Variants in KIF18A observed in about 807,000 individuals in gnomAD.
KIF18A encodes the protein kinesin family member 18A.
KIF18A carries 67 observed loss-of-function variants against 103.3 expected under a neutral mutation model. The ratio of observed to expected loss-of-function variants is 0.65; its 90% confidence interval spans 0.53 to 0.79. The LOEUF (loss-of-function observed/expected upper bound fraction) is 0.79, where lower values mean the gene tolerates loss of function less well. Among genes scored for constraint, KIF18A ranks in the 30% least tolerant of loss-of-function variants. The pLI, the probability that KIF18A is intolerant of heterozygous loss-of-function variation, is 0.00. For missense variants in KIF18A, 1,032 were observed against 1,062.5 expected, an observed-to-expected ratio of 0.97 and a Z score of 0.40; for synonymous variants, 367 against 355.5, an observed-to-expected ratio of 1.03 and a Z score of -0.36.
chr11:28,045,818 C>T (rs1450378918), intron 13 of KIF18A, among the ~76,000 whole-genome samples: 2 of 151,834 alleles, frequency 1.3e-5, no homozygotes, highest in Non-Finnish European at 2.9e-5. Flanking sequence ...GGCTAATATC[C>T]AGAATCTACA....
chr11:28,065,250 G>A (rs1444122152), intron 11 of KIF18A, among the ~76,000 whole-genome samples: 2 of 151,960 alleles, frequency 1.3e-5, no homozygotes, highest in Non-Finnish European at 2.9e-5. Flanking sequence ...TCCCTTTATC[G>A]TAAAGTTATG....
intron 14 of KIF18A, among the ~76,000 whole-genome samples, chr11:28,035,893 G>T (rs1298710543): frequency 1.3e-5 from 2 of 151,442 alleles, no homozygotes; most frequent in African/African-American, 4.8e-5. Context: ...TTCCTTCAGT[G>T]AAAATATTAA....
rs1850275775 is a variant in KIF18A, at chr11:28,023,791, C to T, written c.2564G>A (p.Arg855Gln). The change falls in exon 16 of 17, where the codon CGA becomes CAA. Residue 855 changes from arginine (R) to glutamine (Q), a missense_variant. Physicochemically the swap from Arg to Gln is conservative, Grantham distance 43. Coordinates refer to ENST00000263181, the MANE Select transcript of KIF18A (RefSeq NM_031217.4). ...GTGCTTCTCACTTGAATTATCTTGTCGAACACGTTTGGCAAATCCAGAATT... is the reference window on the plus strand; with the variant it reads ...GTGCTTCTCACTTGAATTATCTTGTTGAACACGTTTGGCAAATCCAGAATT... ...DVNSGFAKRV[R>Q]QDNSSEKHLQ... is the part of the protein sequence containing the mutation. 8 of 1,612,978 alleles carry T rather than the reference C, an allele frequency of 5.0e-6. No homozygotes were observed. The highest frequency in any genetic ancestry group is 6.8e-6 in the Non-Finnish European group (8 of 1,179,260).
chr11:28,050,322 C>G (rs1219891723), intron 13 of KIF18A, among the ~76,000 whole-genome samples: 2 of 151,764 alleles, frequency 1.3e-5, no homozygotes, highest in Non-Finnish European at 3.0e-5. Context: ...TTTAGGGATA[C>G]AAGCATGATT....
At chr11:28,099,361 T>C (rs1307558850) in intron 1 of KIF18A, among the ~76,000 whole-genome samples, 1 of 152,016 alleles carries the variant, frequency 6.6e-6, no homozygotes, top group Admixed American at 6.6e-5. Context: ...GAAATGTTGG[T>C]CAAAGGGTAC....
intron 13 of KIF18A, among the ~76,000 whole-genome samples, chr11:28,041,859 T>A (rs1312007736): frequency 6.6e-6 from 1 of 151,858 alleles, no homozygotes; most frequent in East Asian, 1.9e-4. Context: ...TAATTCTACA[T>A]AAGTAAATTA....
chr11:28,083,606 T>C (rs1851192424), intron 7 of KIF18A, among the ~76,000 whole-genome samples: 1 of 152,128 alleles, frequency 6.6e-6, no homozygotes. Context: ...ATTTTTATCA[T>C]AGTATGGGCC....
At position 28,062,415 on chromosome 11, in the gene KIF18A, C is replaced by G. The variant is rs773145540; in HGVS notation, c.1692G>C (p.Gln564His). The G allele has an allele frequency of 6.2e-7, 1 of 1,610,684 alleles. No homozygotes were observed. The highest frequency in any genetic ancestry group is 2.2e-5 in the East Asian group (1 of 44,714). The change falls in exon 12 of 17, where the codon CAG becomes CAC. Residue 564 changes from glutamine to histidine, a missense_variant. Coordinates refer to ENST00000263181, the MANE Select transcript of KIF18A (RefSeq NM_031217.4). ...HMMDLACLQE[Q>H]QHRQTEAVLN... Reference sequence around the variant, plus strand: ...CTCACGCTTCAGTCTGCCTGTGTTGCTGTTCCTGAAGACAAGCTAGATCCA... The same window carrying G: ...CTCACGCTTCAGTCTGCCTGTGTTGGTGTTCCTGAAGACAAGCTAGATCCA...
chr11:28,064,153 T>G (rs575309495), intron 11 of KIF18A, among the ~76,000 whole-genome samples: 1 of 151,516 alleles, frequency 6.6e-6, no homozygotes, highest in South Asian at 2.1e-4. Flanking sequence ...TATTTATATA[T>G]TAAAGTTAGG....
intron 13 of KIF18A, among the ~76,000 whole-genome samples, chr11:28,040,624 G>A (rs1850547111): frequency 6.6e-6 from 1 of 151,644 alleles, no homozygotes; most frequent in Admixed American, 6.6e-5. Flanking sequence ...GAAGGGAACA[G>A]GAAATTAAAA....
chr11:28,061,315 T>A (rs1850853659), intron 12 of KIF18A, among the ~76,000 whole-genome samples: 1 of 152,160 alleles, frequency 6.6e-6, no homozygotes, highest in African/African-American at 2.4e-5. Flanking sequence ...TAAGCTAGAA[T>A]TCAAGATTGA....
At position 28,077,074 on chromosome 11, in the gene KIF18A, T is replaced by C. The variant is rs765294045; in HGVS notation, c.1358A>G (p.Lys453Arg). 5 of 1,579,934 alleles carry C rather than the reference T, an allele frequency of 3.2e-6. No individual in the cohort carries two copies. In the East Asian group the frequency reaches 1.2e-4, roughly 37 times the overall value. Residue 453 changes from lysine to arginine, a missense_variant, in exon 10 of 17, where the codon AAA becomes AGA. Physicochemically the swap from Lys to Arg is conservative, Grantham distance 26 (BLOSUM62 2). Coordinates refer to ENST00000263181, the MANE Select transcript of KIF18A (RefSeq NM_031217.4). ...ATGGCACTGTTGTTGGTAGAATGAT[T>C]TAAGTTCATTTTCTTTAAGTAACAT... is the stretch of plus-strand genomic sequence containing the variant. ...LEMLLKENEL[K>R]SFYQQQCHKQ...
At chr11:28,090,280 A>G (rs1851284395) in intron 5 of KIF18A, among the ~76,000 whole-genome samples, 1 of 152,204 alleles carries the variant, frequency 6.6e-6, no homozygotes, top group Non-Finnish European at 1.5e-5. Flanking sequence ...TTCCCAAATT[A>G]TTAGTTCTAC....
intron 1 of KIF18A, among the ~76,000 whole-genome samples, chr11:28,100,420 C>A (rs1488052441): frequency 2.0e-5 from 3 of 151,610 alleles, no homozygotes; most frequent in Non-Finnish European, 2.9e-5. Context: ...TGAGAATTAA[C>A]CATGGGATTT....
At chr11:28,069,868 GC>G (rs994524280) in intron 10 of KIF18A, among the ~76,000 whole-genome samples, 1 of 151,990 alleles carries the variant, frequency 6.6e-6, no homozygotes, top group Non-Finnish European at 1.5e-5. Context: ...TGCCTATAAG[GC>G]CTCAAATTGG....
intron 13 of KIF18A, among the ~76,000 whole-genome samples, chr11:28,037,802 C>G (rs551166460): frequency 5.9e-5 from 9 of 151,720 alleles, no homozygotes; most frequent in African/African-American, 2.2e-4. Context: ...TCAGCCTTAT[C>G]TGATAATTCC....
intron 13 of KIF18A, among the ~76,000 whole-genome samples, chr11:28,045,190 G>A (rs1185580265): frequency 6.6e-6 from 1 of 151,918 alleles, no homozygotes; most frequent in Non-Finnish European, 1.5e-5. Flanking sequence ...CTTGAAAAAA[G>A]TTTGATAAAT....
At chr11:28,107,394 C>T (rs1851540749) in intron 1 of KIF18A, among the ~76,000 whole-genome samples, 1 of 151,862 alleles carries the variant, frequency 6.6e-6, no homozygotes, top group South Asian at 2.1e-4. Context: ...AAAAAAAGTC[C>T]TGCGGAAACC....
At position 28,094,662 on chromosome 11, in the gene KIF18A, G is replaced by A; in HGVS notation, c.464C>T (p.Thr155Ile). Reference protein sequence around the residue: ...DEIKEEKICSTAVSYLEVYNE... With the variant: ...DEIKEEKICSIAVSYLEVYNE... ...ACTTACCTCCAGATATGAAACTGCA[G>A]TACTACATATTTTCTCTTCTTTAAT... is the stretch of plus-strand genomic sequence containing the variant. The change falls in exon 3 of 17, where the codon ACT becomes ATT. Residue 155 changes from threonine (T) to isoleucine (I), a missense_variant. Transcript: ENST00000263181. The A allele has an allele frequency of 6.2e-7, 1 of 1,610,950 alleles. No homozygotes were observed. The highest frequency in any genetic ancestry group is 8.5e-7 in the Non-Finnish European group (1 of 1,177,308).
Sources: allele counts gnomAD v4.1 joint callset (sites outside exome capture counted in the v4.1 genomes callset), GRCh38; gene constraint gnomAD v4.1.1; transcripts MANE v1.5; gene names NCBI Gene and HGNC (gene_info 2026-07-23, HGNC 2026-07-21).